Variants in DGKG observed in about 807,000 individuals in gnomAD.
The protein encoded by DGKG is DAG kinase gamma.
In DGKG, 78 loss-of-function variants were observed where a neutral mutation model predicts 105.3. The observed-to-expected ratio is 0.74, with a 90% CI of 0.62 to 0.89. The LOEUF (loss-of-function observed/expected upper bound fraction) is 0.89. DGKG is among the 40% of genes least tolerant of loss of function. The pLI is 0.00. For synonymous variants in DGKG, 346 were observed against 367.1 expected (o/e 0.94, Z 0.66); for missense variants, 958 against 1,020.1 (o/e 0.94, Z 0.83).
chr3:186,242,061 A>G (rs1403185139), intron 20 of DGKG, among the ~76,000 whole-genome samples: 1 of 152,046 alleles, frequency 6.6e-6, no homozygotes, highest in Non-Finnish European at 1.5e-5. Flanking sequence ...CAAGTCCCGG[A>G]GCTGCCACCT....
chr3:186,225,525 G>C (rs1719816483), intron 20 of DGKG, among the ~76,000 whole-genome samples: 1 of 152,116 alleles, frequency 6.6e-6, no homozygotes, highest in African/African-American at 2.4e-5. Context: ...GGCTTGCATG[G>C]TGGTGTTTAA....
intron 10 of DGKG, among the ~76,000 whole-genome samples, chr3:186,273,592 C>A (rs78161243): frequency 1.3e-5 from 2 of 152,032 alleles, no homozygotes; most frequent in South Asian, 4.1e-4. Flanking sequence ...CCAAGATGAT[C>A]TTGGTCTCCT....
Position 186,280,623 on chromosome 3 carries a change from G to A in DGKG, c.669+47C>T, listed in dbSNP as rs376948375. ...CATGTCTTGAGTGTGTCCCCCTCCC[G>A]TCTTAGAAGCTCACTCCAAAGCCAC... On this transcript the variant is annotated intron_variant, in intron 8 of 24. Transcript: ENST00000265022. The A allele has an allele frequency of 5.5e-5, 80 of 1,458,036 alleles. No individual in the cohort carries two copies. The Middle Eastern group carries it at 5.5e-4, about 10-fold the overall frequency. The allele number at this position is 1,458,036 out of a possible 1,614,324, so 90.3% of individuals were successfully genotyped here.
chr3:186,177,761 T>C (rs1717153816), intron 22 of DGKG, among the ~76,000 whole-genome samples: 1 of 152,236 alleles, frequency 6.6e-6, no homozygotes, highest in Admixed American at 6.5e-5. Context: ...TGAGCTTCAG[T>C]GTCCTGAGAC....
In DGKG at chr3:186,288,817, G is replaced by C. The variant is rs768345466; in HGVS notation, c.437C>G (p.Pro146Arg). 1 of 1,611,454 alleles carries C rather than the reference G, an allele frequency of 6.2e-7. No individual in the cohort carries two copies. Among genetic ancestry groups the C allele is most frequent in the Non-Finnish European group, 8.5e-7 (1 of 1,178,734 alleles). Residue 146 changes from proline (P) to arginine (R), a missense_variant, in exon 6 of 25, where the codon CCC (proline) becomes CGC (arginine). This residue lies in a region of DGKG where 643 missense variants were observed against 619.5 expected (regional missense o/e 1.04). Transcript: ENST00000265022. ...EDQVAATPLEPPVPRSSSSES... is the reference protein window; with the variant it reads ...EDQVAATPLERPVPRSSSSES... Reference sequence around the variant, plus strand: ...CGAGCTTGAAGACCGAGGGACGGGGGGTTCCAGGGGGGTCGCAGCCACTTG... The same window carrying C: ...CGAGCTTGAAGACCGAGGGACGGGGCGTTCCAGGGGGGTCGCAGCCACTTG...
At chr3:186,342,081 G>A (rs907687957) in intron 1 of DGKG, among the ~76,000 whole-genome samples, 1 of 152,140 alleles carries the variant, frequency 6.6e-6, no homozygotes, top group African/African-American at 2.4e-5. Context: ...ACGAGTTAGT[G>A]GGTGCAGTGC....
At chr3:186,303,697 C>T (rs1002045409) in intron 3 of DGKG, among the ~76,000 whole-genome samples, 7 of 152,182 alleles carry the variant, frequency 4.6e-5, no homozygotes, top group Non-Finnish European at 1.0e-4. Context: ...TTTTGCTTTT[C>T]TGGGTTTTGC....
At chr3:186,270,276 C>T (rs1433966379) in intron 11 of DGKG, among the ~76,000 whole-genome samples, 4 of 152,166 alleles carry the variant, frequency 2.6e-5, no homozygotes, top group Non-Finnish European at 5.9e-5. Flanking sequence ...CAGGCACATG[C>T]CACCACACCA....
chr3:186,234,182 C>T (rs544714795), intron 20 of DGKG, among the ~76,000 whole-genome samples: 13 of 152,322 alleles, frequency 8.5e-5, no homozygotes, highest in African/African-American at 1.4e-4. Flanking sequence ...CTGCTTTATA[C>T]GAAAAGCCTT....
chr3:186,347,299 T>A (rs1306760813), intron 1 of DGKG, among the ~76,000 whole-genome samples: 3 of 151,636 alleles, frequency 2.0e-5, no homozygotes, highest in Non-Finnish European at 4.4e-5. Context: ...ATACAAAAAA[T>A]TAGCCAGGCA....
chr3:186,257,824 G>A (rs772514768), intron 17 of DGKG, 30 bp downstream of exon 17: 5 of 1,547,444 alleles, frequency 3.2e-6, no homozygotes, highest in African/African-American at 1.4e-5. Context: ...CTATAAATAA[G>A]CAGCAAACGC....
intron 22 of DGKG, among the ~76,000 whole-genome samples, chr3:186,168,148 A>G (rs1399346866): frequency 2.0e-5 from 3 of 152,216 alleles, no homozygotes; most frequent in Non-Finnish European, 4.4e-5. Context: ...ATAATTAAGC[A>G]ATAAACCTAC....
chr3:186,311,470 G>C (rs1724539277), intron 2 of DGKG, among the ~76,000 whole-genome samples: 2 of 152,146 alleles, frequency 1.3e-5, no homozygotes, highest in South Asian at 4.1e-4. Context: ...CAGACTGTCA[G>C]GACTATCCAC....
chr3:186,232,749 T>C (rs1720214776), intron 20 of DGKG, among the ~76,000 whole-genome samples: 1 of 152,188 alleles, frequency 6.6e-6, no homozygotes, highest in Non-Finnish European at 1.5e-5. Flanking sequence ...TTAAACAAGA[T>C]AAATGATGAG....
intron 24 of DGKG, chr3:186,160,429 G>A: frequency 1.0e-6 from 1 of 985,298 alleles, no homozygotes. Flanking sequence ...TTCCCTCTAT[G>A]CGTCCTAACT....
chr3:186,361,964 G>A lies in DGKG; in HGVS notation c.-267C>T, dbSNP rs1296525383. ...GTCTTACCTCACCAGGCAACACTTG[G>A]TTGCGCGGTGGCCCGGGGCGCTCCT... is the stretch of plus-strand genomic sequence containing the variant. On this transcript the variant is annotated 5_prime_UTR_variant, in exon 1 of 25. Transcript: ENST00000265022. This position sits in a 1 kb window ranked among gnomAD's most constrained non-coding sequence, Gnocchi z 6.8. 1 of 152,394 alleles carries A rather than the reference G, an allele frequency of 6.6e-6. No homozygotes were observed. Among genetic ancestry groups the A allele is most frequent in the African/African-American group, 2.4e-5 (1 of 41,458 alleles). The allele number at this position is 152,394 out of a possible 1,614,324, so 9.4% of individuals were successfully genotyped here.
At chr3:186,297,057 GTCTGTCTCTC>G (rs372697057) in intron 5 of DGKG, among the ~76,000 whole-genome samples, 1 of 80,918 alleles carries the variant, frequency 1.2e-5, no homozygotes, top group African/African-American at 5.4e-5. Flanking sequence ...CTGTCTGTCT[GTCTGTCTCTC>G]TCACACACAC....
chr3:186,265,657 C>CTT (rs68014632), intron 13 of DGKG, among the ~76,000 whole-genome samples: 1,031 of 77,310 alleles, frequency 0.013, 28 homozygotes, highest in Non-Finnish European at 0.018. Flanking sequence ...TTCTTCCTTT[C>CTT]TTTTTTTTTT....
intron 21 of DGKG, among the ~76,000 whole-genome samples, chr3:186,208,346 G>C (rs961974508): frequency 6.6e-6 from 1 of 151,284 alleles, no homozygotes. Context: ...CTCGCCACGC[G>C]AATGGCTTTT....
Sources: gnomAD v4.1 joint callset for allele counts (sites outside exome capture counted in the v4.1 genomes callset) on GRCh38, gnomAD v4.1.1 for gene constraint, gnomAD v4.1.1 regional missense constraint, Gnocchi (gnomAD v3.1) non-coding constraint, MANE v1.5 for transcripts, NCBI Gene and HGNC (gene_info 2026-07-23, HGNC 2026-07-21) for gene names.